Variants in AKAP11 observed in about 807,000 individuals in gnomAD.
AKAP11 encodes the protein A-kinase anchoring protein 11.
A neutral mutation model predicts 146.1 loss-of-function variants in AKAP11; 36 were observed. The observed-to-expected ratio is 0.25, with a 90% CI of 0.19 to 0.33. The LOEUF (loss-of-function observed/expected upper bound fraction) is 0.33, where lower values mean the gene tolerates loss of function less well. Among genes scored for constraint, AKAP11 ranks in the 10% least tolerant of loss-of-function variants. AKAP11 has a pLI of 1.00. For synonymous variants in AKAP11, 780 were observed against 786.5 expected (o/e 0.99, Z 0.14); for missense variants, 2,201 against 2,197.0 (o/e 1.00, Z -0.04).
chr13:42,313,748 T>C lies in AKAP11; in HGVS notation c.5358-146T>C. 7.7e-6 allele frequency: 5 copies of C among 651,614 alleles called. No homozygotes were observed. In the South Asian group the frequency reaches 1.0e-4, roughly 14 times the overall value. The allele number at this position is 651,614 out of a possible 1,614,324, so 40.4% of individuals were successfully genotyped here. A position where few individuals can be genotyped will look rare whatever the true frequency, so the allele number is the denominator to read the frequency against. Reference sequence around the variant, plus strand: ...ATGAAATGATGTGAGAAGCAAAGCTTCCTTTTTTAATTGTCATTTCTCCCC... The same window carrying C: ...ATGAAATGATGTGAGAAGCAAAGCTCCCTTTTTTAATTGTCATTTCTCCCC... On this transcript the variant is annotated intron_variant, in intron 10 of 12. Transcript: ENST00000025301.
intron 11 of AKAP11, 126 bp downstream of exon 11, chr13:42,314,066 C>A: frequency 2.2e-6 from 2 of 892,542 alleles, no homozygotes; most frequent in Non-Finnish European, 3.3e-6. Flanking sequence ...TCAGGGTATT[C>A]TTGAACTAAT....
chr13:42,303,993 C>T (rs1488068616), intron 8 of AKAP11, 130 bp downstream of exon 8: 21 of 1,182,784 alleles, frequency 1.8e-5, no homozygotes, highest in Non-Finnish European at 5.7e-6. Context: ...TTCCCTGTTG[C>T]ATTTATGTAT....
At chr13:42,311,628 G>A (rs1048908012) in intron 9 of AKAP11, among the ~76,000 whole-genome samples, 1 of 152,094 alleles carries the variant, frequency 6.6e-6, no homozygotes, top group Non-Finnish European at 1.5e-5. Context: ...ATAGGTAGGT[G>A]ATGGATTTTA....
intron 9 of AKAP11, among the ~76,000 whole-genome samples, chr13:42,309,914 A>G (rs1454817973): frequency 2.0e-5 from 3 of 151,870 alleles, no homozygotes; most frequent in African/African-American, 2.4e-5. Flanking sequence ...CAGTTGAACA[A>G]CTCTGTGCTG....
chr13:42,273,242 A>AT (rs1958823536), intron 1 of AKAP11, among the ~76,000 whole-genome samples: 1 of 152,208 alleles, frequency 6.6e-6, no homozygotes, highest in Non-Finnish European at 1.5e-5. Context: ...ATGGAGTACT[A>AT]AGAAAAAATG....
intron 6 of AKAP11, 143 bp from the exon 7 acceptor site, chr13:42,298,390 C>A: frequency 3.7e-6 from 3 of 803,392 alleles, no homozygotes; most frequent in Non-Finnish European, 3.8e-6. Context: ...AAGAAGTAAA[C>A]ATTACAAAAC....
chr13:42,297,237 T>G (rs1463387819), intron 6 of AKAP11, 55 bp downstream of exon 6: 1 of 1,272,160 alleles, frequency 7.9e-7, no homozygotes, highest in Non-Finnish European at 1.1e-6. Context: ...TTACTATATT[T>G]GATAAAGATG....
Position 42,302,960 on chromosome 13 carries a change from C to G in AKAP11, c.4214C>G (p.Thr1405Arg), listed in dbSNP as rs771666873. The G allele has an allele frequency of 6.2e-7, 1 of 1,613,714 alleles. No individual in the cohort carries two copies. ...MFPVPSSQVKTNKELLMFSNK... is the reference protein window; with the variant it reads ...MFPVPSSQVKRNKELLMFSNK... ...CCTGTGCCAAGTTCACAAGTGAAAA[C>G]AAACAAGGAACTGTTAATGTTTTCA... The change falls in exon 8 of 13, where the codon ACA becomes AGA. Residue 1405 changes from threonine (T) to arginine (R), a missense_variant. By Grantham distance (71) the Thr-to-Arg change is moderately conservative (BLOSUM62 -1). This residue lies in a region of AKAP11 where 1,867 missense variants were observed against 1,833.5 expected (regional missense o/e 1.02). Transcript: ENST00000025301.
At position 42,286,334 on chromosome 13, in the gene AKAP11, C is replaced by T. The variant is rs1369452187; in HGVS notation, c.-15C>T. On this transcript the variant is annotated 5_prime_UTR_variant, in exon 3 of 13. Transcript: ENST00000025301. ...GGATTAACTCTTCATTGATTATATACAACAAAAAATAGTTATGGCGACTTT... is the reference window on the plus strand; with the variant it reads ...GGATTAACTCTTCATTGATTATATATAACAAAAAATAGTTATGGCGACTTT... 5 of 1,583,522 alleles carry T rather than the reference C, an allele frequency of 3.2e-6. No individual in the cohort carries two copies. Among genetic ancestry groups the T allele is most frequent in the Non-Finnish European group, 4.3e-6 (5 of 1,163,660 alleles).
rs1959959120 is a variant in AKAP11 at position 42,302,144 on chromosome 13, C to A, written c.3398C>A (p.Ala1133Glu). The stretch of plus-strand genomic sequence containing the variant: ...AAGGGAGAATTAGCCAAAGAGTTTG[C>A]ACCTGCTACACCACCTTCTACTCCA... ...KLKGELAKEFAPATPPSTPHN... is the reference protein window; with the variant it reads ...KLKGELAKEFEPATPPSTPHN... Residue 1133 changes from alanine (A) to glutamate (E), a missense_variant, in exon 8 of 13, where the codon GCA becomes GAA. Transcript: ENST00000025301. The A allele has an allele frequency of 6.2e-7, 1 of 1,614,196 alleles. No homozygotes were observed. The highest frequency in any genetic ancestry group is 8.5e-7 in the Non-Finnish European group (1 of 1,180,024).
chr13:42,313,268 T>C lies in AKAP11; in HGVS notation c.5357+138T>C, dbSNP rs1041388944. 4.7e-6 allele frequency: 3 copies of C among 635,286 alleles called. No individual in the cohort carries two copies. The South Asian group carries it at 7.0e-5, about 15-fold the overall frequency. The allele number at this position is 635,286 out of a possible 1,614,324, so 39.4% of individuals were successfully genotyped here. Reference sequence around the variant, plus strand: ...TCCTATATTTTGACATGATTCTGCTTGATGAATTCACATCTAATGAAAAAC... The same window carrying C: ...TCCTATATTTTGACATGATTCTGCTCGATGAATTCACATCTAATGAAAAAC... On this transcript the variant is annotated intron_variant, in intron 10 of 12. Transcript: ENST00000025301.
At chr13:42,297,408 G>A (rs905500309) in intron 6 of AKAP11, among the ~76,000 whole-genome samples, 3 of 151,774 alleles carry the variant, frequency 2.0e-5, no homozygotes, top group South Asian at 2.1e-4. Flanking sequence ...GTGAAGTTCC[G>A]TAGATGGTAT....
Position 42,315,127 on chromosome 13 carries a change from A to T in AKAP11, c.5404+1187A>T, listed in dbSNP as rs368140419. Reference sequence around the variant, plus strand: ...CTTCTCTAGAAGCAGGCAAACAGAAAATAGCTAAAAAGAATTTCTCGAAAT... The same window carrying T: ...CTTCTCTAGAAGCAGGCAAACAGAATATAGCTAAAAAGAATTTCTCGAAAT... On this transcript the variant is annotated intron_variant, in intron 11 of 12. Coordinates refer to ENST00000025301, the MANE Select transcript of AKAP11 (RefSeq NM_016248.4). Among the ~76,000 whole-genome samples, 28 of 152,328 alleles carry T rather than the reference A, an allele frequency of 1.8e-4. No homozygotes were observed. In the South Asian group the frequency reaches 4.8e-3, roughly 26 times the overall value.
At chr13:42,296,997 T>G in intron 5 of AKAP11, 51 bp from the exon 6 acceptor site, 2 of 1,511,038 alleles carry the variant, frequency 1.3e-6, no homozygotes, top group Non-Finnish European at 1.8e-6. Context: ...ATAGGAACCT[T>G]AACAAAAGTG....
At chr13:42,272,671 G>T (rs1242372810) in intron 1 of AKAP11, among the ~76,000 whole-genome samples, 4 of 152,176 alleles carry the variant, frequency 2.6e-5, no homozygotes, top group Non-Finnish European at 4.4e-5. Context: ...CTTTGTTCCC[G>T]AACAGCATCC....
At position 42,298,579 on chromosome 13, in the gene AKAP11, C is replaced by T. The variant is rs922718625; in HGVS notation, c.398C>T (p.Ser133Leu). The T allele has an allele frequency of 3.1e-6, 5 of 1,612,560 alleles. No homozygotes were observed. The highest frequency in any genetic ancestry group is 4.2e-6 in the Non-Finnish European group (5 of 1,179,360). ...MLCVMRVSPT[S>L]PRLRIDFIFS... ...TGTGTCATGAGAGTGTCACCTACAT[C>T]ACCAAGACTTAGGATTGATTTTATC... The change falls in exon 7 of 13, where the codon TCA becomes TTA. Residue 133 changes from serine (S) to leucine (L), a missense_variant. Ser to Leu is a moderately radical substitution (Grantham distance 145, BLOSUM62 -2). Transcript: ENST00000025301.
rs1478292645 is a variant in AKAP11, at chr13:42,300,094, A to G, written c.1348A>G (p.Ile450Val). The G allele has an allele frequency of 6.2e-7, 1 of 1,613,920 alleles. No individual in the cohort carries two copies. The highest frequency in any genetic ancestry group is 1.1e-5 in the South Asian group (1 of 91,078). Residue 450 changes from isoleucine (I) to valine (V), a missense_variant, in exon 8 of 13, where the codon ATT becomes GTT. Ile to Val is a conservative substitution (Grantham distance 29, BLOSUM62 3). Around this residue, in one of 3 missense-constraint regions of AKAP11, gnomAD observed 1,867 missense variants for 1,833.5 expected, o/e 1.02. Transcript: ENST00000025301. ...SREDSGLFSP[I>V]RSSAFSPLGG... ...GGAAGATAGTGGTTTATTTAGTCCT[A>G]TTCGATCCTCTGCTTTTAGTCCTCT...
intron 12 of AKAP11, 125 bp downstream of exon 12, chr13:42,317,813 G>A: frequency 9.0e-7 from 1 of 1,113,182 alleles, no homozygotes; most frequent in Non-Finnish European, 1.2e-6. Context: ...CAACAGTTTG[G>A]GTTCAGACAT....
In AKAP11 at chr13:42,319,374, G is replaced by A; in HGVS notation, c.*146G>A. 9.8e-7 allele frequency: 1 copy of A among 1,017,080 alleles called. No homozygotes were observed. Among genetic ancestry groups the A allele is most frequent in the Non-Finnish European group, 1.4e-6 (1 of 716,096 alleles). 63.0% of individuals were successfully genotyped at this position (1,017,080 alleles called of 1,614,324 possible). The stretch of plus-strand genomic sequence containing the variant: ...AAATATAGCTTTCTGAGCGCTTTGT[G>A]TTATCACTCGGTGTATATAGTTCAT... On this transcript the variant is annotated 3_prime_UTR_variant, in exon 13 of 13. Transcript: ENST00000025301.
Sources: allele counts gnomAD v4.1 joint callset (sites outside exome capture counted in the v4.1 genomes callset), GRCh38; gene constraint gnomAD v4.1.1; regional missense constraint gnomAD v4.1.1; transcripts MANE v1.5; gene names NCBI Gene and HGNC (gene_info 2026-07-23, HGNC 2026-07-21).